CA10: variants seen among roughly 807,000 people sequenced by gnomAD.
CA10 encodes carbonic anhydrase 10 (inactive).
Under a neutral mutation model 44.2 loss-of-function variants are expected in CA10, and 14 were observed. That is an observed-to-expected ratio of 0.32 (90% CI 0.21 to 0.50). The LOEUF is 0.50. CA10 is among the 20% of genes least tolerant of loss of function. The probability of loss-of-function intolerance (pLI) is 0.99; values close to 1 mark genes in which losing one functional copy is unlikely to be tolerated. For missense variants in CA10, 350 were observed against 409.7 expected, an observed-to-expected ratio of 0.85 and a Z score of 1.26; for synonymous variants, 159 against 141.6, an observed-to-expected ratio of 1.12 and a Z score of -0.87.
At chr17:51,951,312 T>C (rs963432255) in intron 2 of CA10, among the ~76,000 whole-genome samples, 1 of 152,196 alleles carries the variant, frequency 6.6e-6, no homozygotes, top group African/African-American at 2.4e-5. Flanking sequence ...GAACATTTCT[T>C]CTTTTCTTTC....
intron 3 of CA10, among the ~76,000 whole-genome samples, chr17:51,818,825 GAAT>G (rs1907664244): frequency 6.6e-6 from 1 of 152,136 alleles, no homozygotes; most frequent in South Asian, 2.1e-4. Context: ...TGTAAAACAA[GAAT>G]AATAATAGCC....
intron 4 of CA10, among the ~76,000 whole-genome samples, chr17:51,683,055 C>T (rs543609317): frequency 6.6e-6 from 1 of 152,330 alleles, no homozygotes; most frequent in East Asian, 1.9e-4. Flanking sequence ...TCAGGGGTTT[C>T]TAATGATCGG....
chr17:51,692,413 A>ATCTATCTG (rs1555585285), intron 4 of CA10, among the ~76,000 whole-genome samples: 8 of 125,350 alleles, frequency 6.4e-5, no homozygotes, highest in African/African-American at 2.1e-4. Context: ...CTATCTATCT[A>ATCTATCTG]TCTATCTATC....
intron 4 of CA10, among the ~76,000 whole-genome samples, chr17:51,675,533 A>G (rs1363241503): frequency 7.1e-6 from 1 of 140,526 alleles, no homozygotes; most frequent in Non-Finnish European, 1.5e-5. Context: ...TGGGTGACAG[A>G]GTAAGACTCC....
At chr17:51,859,141 A>G (rs1251884638) in intron 3 of CA10, among the ~76,000 whole-genome samples, 1 of 152,114 alleles carries the variant, frequency 6.6e-6, no homozygotes, top group Non-Finnish European at 1.5e-5. Context: ...TGTTGGGGTG[A>G]TATCTTTTTC....
At chr17:52,157,399 A>G (rs1989826558) in intron 1 of CA10, among the ~76,000 whole-genome samples, 1 of 151,920 alleles carries the variant, frequency 6.6e-6, no homozygotes, top group Admixed American at 6.6e-5. Context: ...GGTTGTTGCC[A>G]AGGCTCGGAT....
chr17:52,097,577 C>T (rs543414032), intron 1 of CA10, among the ~76,000 whole-genome samples: 32 of 152,264 alleles, frequency 2.1e-4, no homozygotes, highest in Admixed American at 8.5e-4. Flanking sequence ...TGGGTTGACA[C>T]GGAATAAGTC....
chr17:52,050,100 C>A (rs1567715562), intron 2 of CA10, among the ~76,000 whole-genome samples: 2 of 152,046 alleles, frequency 1.3e-5, no homozygotes, highest in Non-Finnish European at 2.9e-5. Context: ...TAGCACATTT[C>A]TCAGAACATA....
In CA10 at chr17:52,049,061, G is replaced by T. The variant is rs536359012; in HGVS notation, c.136+23258C>A. Among the ~76,000 whole-genome samples the T allele has an allele frequency of 1.2e-3, 185 of 152,224 alleles. 4 individuals are homozygous for T. The South Asian group carries it at 0.022, about 18-fold the overall frequency. ...AAATGACATATATAAGAATTATTTTGTAGTTAAAAGCTATGAGTTTGAGCA... is the reference window on the plus strand; with the variant it reads ...AAATGACATATATAAGAATTATTTTTTAGTTAAAAGCTATGAGTTTGAGCA... On this transcript the variant is annotated intron_variant, in intron 2 of 8. Coordinates refer to ENST00000451037, the MANE Select transcript of CA10 (RefSeq NM_020178.5).
chr17:52,139,497 C>T (rs74399968), intron 1 of CA10, among the ~76,000 whole-genome samples: 2,074 of 146,112 alleles, frequency 0.014, 54 homozygotes, highest in African/African-American at 0.049. Flanking sequence ...CCTCTCTGTT[C>T]GGTGTCTTTT....
At chr17:52,121,320 C>G (rs773233102) in intron 1 of CA10, among the ~76,000 whole-genome samples, 2 of 152,098 alleles carry the variant, frequency 1.3e-5, no homozygotes, top group African/African-American at 2.4e-5. Flanking sequence ...ACATTCAGAA[C>G]TCCTTGATTC....
chr17:52,089,722 T>TA, intron 1 of CA10, among the ~76,000 whole-genome samples: 1 of 152,054 alleles, frequency 6.6e-6, no homozygotes, highest in East Asian at 1.9e-4. Context: ...TGTATATATA[T>TA]TTTATATGAC....
At chr17:51,767,486 T>A (rs1235299557) in intron 3 of CA10, among the ~76,000 whole-genome samples, 2 of 152,216 alleles carry the variant, frequency 1.3e-5, no homozygotes, top group African/African-American at 4.8e-5. Context: ...TTGTTACAAC[T>A]AATAAGGTAA....
At chr17:52,155,494 G>A (rs1425669216) in intron 1 of CA10, among the ~76,000 whole-genome samples, 1 of 152,138 alleles carries the variant, frequency 6.6e-6, no homozygotes, top group Non-Finnish European at 1.5e-5. Context: ...CTCCCAAACT[G>A]TAGCAATTGT....
intron 3 of CA10, among the ~76,000 whole-genome samples, chr17:51,883,497 C>T (rs1036014320): frequency 3.9e-5 from 6 of 152,182 alleles, no homozygotes; most frequent in African/African-American, 9.7e-5. Context: ...ACTTCTACTG[C>T]TCTTGTTAAG....
intron 5 of CA10, among the ~76,000 whole-genome samples, chr17:51,652,215 T>C (rs1913599393): frequency 6.6e-6 from 1 of 152,258 alleles, no homozygotes; most frequent in South Asian, 2.1e-4. Context: ...AAAGGTTCTC[T>C]GAATAATTTT....
At chr17:52,115,560 T>C (rs978186726) in intron 1 of CA10, among the ~76,000 whole-genome samples, 1 of 152,236 alleles carries the variant, frequency 6.6e-6, no homozygotes, top group African/African-American at 2.4e-5. Context: ...ATTAGGACTG[T>C]AATGGCAGCT....
chr17:51,957,219 G>A (rs1040494569), intron 2 of CA10, among the ~76,000 whole-genome samples: 24 of 152,276 alleles, frequency 1.6e-4, no homozygotes, highest in Middle Eastern at 3.4e-3. Context: ...AAATTGAAAG[G>A]AAAGTAAGAA....
At chr17:52,094,142 G>A (rs947633704) in intron 1 of CA10, among the ~76,000 whole-genome samples, 7 of 152,196 alleles carry the variant, frequency 4.6e-5, no homozygotes, top group African/African-American at 1.7e-4. Context: ...TGGAGCCTGC[G>A]GGGTGTGGGG....
Sources: gnomAD v4.1 joint callset for allele counts (sites outside exome capture counted in the v4.1 genomes callset) on GRCh38, gnomAD v4.1.1 for gene constraint, MANE v1.5 for transcripts, NCBI Gene and HGNC (gene_info 2026-07-23, HGNC 2026-07-21) for gene names.